The following CADPS variants were observed in gnomAD, a reference collection of about 807,000 sequenced individuals.
CADPS encodes calcium dependent secretion activator, also known as calcium-dependent secretion activator 1.
In CADPS, 57 loss-of-function variants were observed where a neutral mutation model predicts 167.3. That is an observed-to-expected ratio of 0.34 (90% CI 0.28 to 0.42). The LOEUF is 0.42. Ranked by LOEUF, CADPS falls within the 20% of genes least tolerant of loss-of-function variation. The pLI is 1.00. For missense variants in CADPS, 1,414 were observed against 1,738.1 expected, an observed-to-expected ratio of 0.81 and a Z score of 3.32; for synonymous variants, 676 against 635.3, an observed-to-expected ratio of 1.06 and a Z score of -0.96.
chr3:62,410,881 G>A (rs1397198542), intron 28 of CADPS, among the ~76,000 whole-genome samples: 1 of 152,120 alleles, frequency 6.6e-6, no homozygotes, highest in African/African-American at 2.4e-5. Context: ...AAAGTGGGAG[G>A]ATCACCTGAA....
At chr3:62,825,532 C>T (rs1225336297) in intron 1 of CADPS, among the ~76,000 whole-genome samples, 1 of 152,128 alleles carries the variant, frequency 6.6e-6, no homozygotes, top group Non-Finnish European at 1.5e-5. Context: ...TCAGGTAAAC[C>T]TCAGAATACC....
chr3:62,443,895 C>A (rs2056788446), intron 27 of CADPS, among the ~76,000 whole-genome samples: 1 of 152,152 alleles, frequency 6.6e-6, no homozygotes. Flanking sequence ...CAGATCAGGG[C>A]ACCCTGCATT....
chr3:62,548,421 T>C (rs1474024333), intron 11 of CADPS, among the ~76,000 whole-genome samples: 2 of 152,196 alleles, frequency 1.3e-5, no homozygotes, highest in Non-Finnish European at 2.9e-5. Context: ...ACAGCCATTA[T>C]ATGATTATTT....
chr3:62,693,020 C>T (rs1382472723), intron 3 of CADPS, among the ~76,000 whole-genome samples: 3 of 110,122 alleles, frequency 2.7e-5, no homozygotes, highest in Admixed American at 1.1e-4. Context: ...TTTCTTCAAT[C>T]GTTTACCAAT....
intron 3 of CADPS, among the ~76,000 whole-genome samples, chr3:62,695,914 T>C (rs1029898709): frequency 3.9e-5 from 6 of 152,138 alleles, no homozygotes; most frequent in African/African-American, 1.4e-4. Context: ...CAAGTTAGTA[T>C]ATAAGCTTCT....
At chr3:62,712,704 T>G (rs1311443413) in intron 3 of CADPS, among the ~76,000 whole-genome samples, 1 of 152,208 alleles carries the variant, frequency 6.6e-6, no homozygotes, top group Non-Finnish European at 1.5e-5. Flanking sequence ...ATAAATAAAA[T>G]GCACTTTTAA....
chr3:62,801,742 C>T (rs902426368), intron 1 of CADPS, among the ~76,000 whole-genome samples: 65 of 152,110 alleles, frequency 4.3e-4, no homozygotes, highest in African/African-American at 1.3e-3. Context: ...GTCATTACCC[C>T]GTTTTACGGA....
chr3:62,649,956 C>T (rs13100518), intron 5 of CADPS, among the ~76,000 whole-genome samples: 1 of 152,078 alleles, frequency 6.6e-6, no homozygotes. Context: ...TACGGGTATA[C>T]CCCATTTTGT....
chr3:62,571,267 G>GA (rs2081240563), intron 8 of CADPS, among the ~76,000 whole-genome samples: 1 of 152,032 alleles, frequency 6.6e-6, no homozygotes, highest in African/African-American at 2.4e-5. Flanking sequence ...GCACAGGAAA[G>GA]AAAAAAGAGG....
chr3:62,637,514 CCTG>C (rs1469774414), intron 6 of CADPS, among the ~76,000 whole-genome samples: 8 of 152,172 alleles, frequency 5.3e-5, no homozygotes, highest in African/African-American at 1.9e-4. Flanking sequence ...TCGAATTATG[CCTG>C]CTGAGTGTGT....
At position 62,811,664 on chromosome 3, in the gene CADPS, G is replaced by A. The variant is rs183560826; in HGVS notation, c.442-45680C>T. Among the ~76,000 whole-genome samples, 3 of 152,266 alleles carry A rather than the reference G, an allele frequency of 2.0e-5. No individual in the cohort carries two copies. The East Asian group carries it at 5.8e-4, about 29-fold the overall frequency. Reference sequence around the variant, plus strand: ...CACCTAATGTTTTGCTCAGGCAGCTGAACAATGGCATCAATGCTGTAATTG... The same window carrying A: ...CACCTAATGTTTTGCTCAGGCAGCTAAACAATGGCATCAATGCTGTAATTG... On this transcript the variant is annotated intron_variant, in intron 1 of 29. Coordinates refer to ENST00000383710, the MANE Select transcript of CADPS (RefSeq NM_003716.4).
At position 62,403,124 on chromosome 3, in the gene CADPS, T is replaced by C; in HGVS notation, c.3839A>G (p.Gln1280Arg). The C allele has an allele frequency of 6.2e-7, 1 of 1,613,366 alleles. No homozygotes were observed. Among genetic ancestry groups the C allele is most frequent in the Non-Finnish European group, 8.5e-7 (1 of 1,179,352 alleles). The part of the protein sequence containing the change: ...CTWLTDRMDL[Q>R]LHIYQLKTLI... Reference sequence around the variant, plus strand: ...TGTTTTCAACTGATAAATATGAAGCTGTAAGTCCATCCGGTCCGTCAACCA... The same window carrying C: ...TGTTTTCAACTGATAAATATGAAGCCGTAAGTCCATCCGGTCCGTCAACCA... Residue 1280 changes from glutamine to arginine, a missense_variant, in exon 29 of 30, where the codon CAG (glutamine) becomes CGG (arginine). Gln to Arg is a conservative substitution (Grantham distance 43). This residue lies in a region of CADPS where 185 missense variants were observed against 251.5 expected (regional missense o/e 0.74). Transcript: ENST00000383710.
chr3:62,470,224 T>C (rs2150495756), intron 24 of CADPS, among the ~76,000 whole-genome samples: 1 of 152,330 alleles, frequency 6.6e-6, no homozygotes, highest in South Asian at 2.1e-4. Context: ...AAATCCAGGA[T>C]GCGATCTTAA....
chr3:62,403,207 C>T, intron 28 of CADPS, 22 bp from the exon 29 acceptor site: 1 of 1,505,856 alleles, frequency 6.6e-7, no homozygotes, highest in Non-Finnish European at 9.2e-7. Context: ...GACAAAAGTT[C>T]TCCAGCCAAC....
At chr3:62,637,309 A>G (rs942429281) in intron 6 of CADPS, among the ~76,000 whole-genome samples, 1 of 152,206 alleles carries the variant, frequency 6.6e-6, no homozygotes, top group African/African-American at 2.4e-5. Context: ...ACTCTTAGCC[A>G]TATGGTTCCA....
intron 3 of CADPS, among the ~76,000 whole-genome samples, chr3:62,663,306 T>C (rs1579936468): frequency 1.3e-5 from 2 of 152,168 alleles, no homozygotes; most frequent in African/African-American, 4.8e-5. Context: ...TATATTCTAA[T>C]AGAATTTTAT....
chr3:62,630,070 T>C (rs1443595115), intron 6 of CADPS, among the ~76,000 whole-genome samples: 1 of 152,164 alleles, frequency 6.6e-6, no homozygotes, highest in Non-Finnish European at 1.5e-5. Context: ...TTTTTTGGTC[T>C]CCACCCACTA....
At position 62,550,225 on chromosome 3, in the gene CADPS, G is replaced by A. The variant is rs797016003; in HGVS notation, c.1754-110C>T. The A allele has an allele frequency of 5.3e-5, 41 of 770,124 alleles. No homozygotes were observed. The South Asian group carries it at 5.9e-4, about 11-fold the overall frequency. The allele number at this position is 770,124 out of a possible 1,614,324, so 47.7% of individuals were successfully genotyped here. On this transcript the variant is annotated intron_variant, in intron 10 of 29. Coordinates refer to ENST00000383710, the MANE Select transcript of CADPS (RefSeq NM_003716.4). ...CTGCTTTTCCTTGGGACAGAAGAGGGGGGTAGTGATTAACTTAGGATGGGA... is the reference window on the plus strand; with the variant it reads ...CTGCTTTTCCTTGGGACAGAAGAGGAGGGTAGTGATTAACTTAGGATGGGA...
intron 1 of CADPS, among the ~76,000 whole-genome samples, chr3:62,822,387 T>C (rs2073142703): frequency 6.6e-6 from 1 of 152,192 alleles, no homozygotes; most frequent in Admixed American, 6.5e-5. Flanking sequence ...AATAAATGCA[T>C]GTTATTCACA....
Sources: allele counts gnomAD v4.1 joint callset (sites outside exome capture counted in the v4.1 genomes callset), GRCh38; gene constraint gnomAD v4.1.1; regional missense constraint gnomAD v4.1.1; transcripts MANE v1.5; gene names NCBI Gene and HGNC (gene_info 2026-07-23, HGNC 2026-07-21).